Variants in ST13 observed in about 807,000 individuals in gnomAD.
ST13 encodes the protein ST13 Hsp70 interacting protein, also known as hsc70-interacting protein.
ST13 carries 23 observed loss-of-function variants against 56.7 expected under a neutral mutation model. The observed-to-expected ratio is 0.41, with a 90% CI of 0.29 to 0.57. ST13 has a LOEUF of 0.57. ST13 is among the 20% of genes least tolerant of loss of function. ST13 has a pLI of 0.36. For synonymous variants in ST13, 132 were observed against 142.4 expected (o/e 0.93, Z 0.52); for missense variants, 369 against 459.9 (o/e 0.80, Z 1.81).
chr22:40,826,708 T>C (rs2057730238), intron 11 of ST13, 42 bp from the exon 12 acceptor site: 1 of 1,601,320 alleles, frequency 6.2e-7, no homozygotes. Flanking sequence ...AGTGTCCTAC[T>C]GGGTCAGTAA....
At chr22:40,850,779 TATA>T (rs1241940112) in intron 2 of ST13, 41 bp downstream of exon 2, 1 of 1,451,170 alleles carries the variant, frequency 6.9e-7, no homozygotes, top group Non-Finnish European at 9.5e-7. Context: ...TAAGAAATCT[TATA>T]GTACTTTATC....
chr22:40,849,834 T>C (rs568279475), intron 2 of ST13, among the ~76,000 whole-genome samples: 2 of 149,490 alleles, frequency 1.3e-5, no homozygotes, highest in South Asian at 2.1e-4. Context: ...AAGATCCAAA[T>C]AGATAACAAT....
chr22:40,828,312 T>C (rs2057737951), intron 10 of ST13, among the ~76,000 whole-genome samples: 1 of 152,084 alleles, frequency 6.6e-6, no homozygotes, highest in African/African-American at 2.4e-5. Flanking sequence ...ATTAATAATA[T>C]AGAGAAAGAT....
intron 2 of ST13, 71 bp from the exon 3 acceptor site, chr22:40,848,440 A>G: frequency 2.8e-6 from 3 of 1,086,020 alleles, no homozygotes; most frequent in Non-Finnish European, 1.4e-6. Context: ...AATTTCTACA[A>G]ATCTATGTAT....
chr22:40,828,348 T>C (rs1470660906), intron 10 of ST13, among the ~76,000 whole-genome samples: 1 of 151,940 alleles, frequency 6.6e-6, no homozygotes, highest in African/African-American at 2.4e-5. Flanking sequence ...CTCAAGCCTA[T>C]AATCCCAGCA....
chr22:40,826,555 A>C lies in ST13; in HGVS notation c.1093T>G (p.Phe365Val), dbSNP rs1372855806. ...GAAGGACATTACGCTTGACCTCCAAATTTGGCTGACAATTTACTGATGAGA... is the reference window on the plus strand; with the variant it reads ...GAAGGACATTACGCTTGACCTCCAACTTTGGCTGACAATTTACTGATGAGA... Reference protein sequence around the residue: ...MNLISKLSAKFGGQA With the variant: ...MNLISKLSAKVGGQA Residue 365 changes from phenylalanine (F) to valine (V), a missense_variant, in exon 12 of 12, where the codon TTT (phenylalanine) becomes GTT (valine). Phe to Val is a conservative substitution (Grantham distance 50, BLOSUM62 -1). Transcript: ENST00000216218. 2 of 1,598,548 alleles carry C rather than the reference A, an allele frequency of 1.3e-6. No individual in the cohort carries two copies. Among genetic ancestry groups the C allele is most frequent in the Non-Finnish European group, 1.7e-6 (2 of 1,179,720 alleles).
intron 1 of ST13, 29 bp from the exon 2 acceptor site, chr22:40,850,909 G>A (rs771522362): frequency 6.4e-7 from 1 of 1,553,580 alleles, no homozygotes; most frequent in South Asian, 1.2e-5. Flanking sequence ...AAAGATATTT[G>A]TTTAGAAAAT....
chr22:40,835,108 G>C (rs960103763), intron 7 of ST13, among the ~76,000 whole-genome samples: 1 of 152,202 alleles, frequency 6.6e-6, no homozygotes, highest in African/African-American at 2.4e-5. Flanking sequence ...AGCAGTGACT[G>C]AAGTAGTTTC....
In ST13 at chr22:40,825,831, T is replaced by C. The variant is rs1240486491; in HGVS notation, c.*707A>G. 6.6e-6 allele frequency: 1 copy of C among 152,514 alleles called. No homozygotes were observed. The highest frequency in any genetic ancestry group is 2.4e-5 in the African/African-American group (1 of 41,434). 9.4% of individuals were successfully genotyped at this position (152,514 alleles called of 1,614,324 possible). A position where few individuals can be genotyped will look rare whatever the true frequency, so the allele number is the denominator to read the frequency against. On this transcript the variant is annotated 3_prime_UTR_variant, in exon 12 of 12. Coordinates refer to ENST00000216218, the MANE Select transcript of ST13 (RefSeq NM_003932.5). ...TATGAAAAACACTTATTAGATATAC[T>C]GGACAACAAGAGAACTAAGTACTCC... is the stretch of plus-strand genomic sequence containing the variant.
At chr22:40,846,667 G>C (rs1476018043) in intron 3 of ST13, among the ~76,000 whole-genome samples, 1 of 152,174 alleles carries the variant, frequency 6.6e-6, no homozygotes, top group Non-Finnish European at 1.5e-5. Context: ...ACAACTGCCA[G>C]TAGAATGTAA....
chr22:40,840,636 G>A lies in ST13; in HGVS notation c.372C>T (p.Ala124=). The A allele has an allele frequency of 1.2e-6, 2 of 1,609,014 alleles. No individual in the cohort carries two copies. Residue 124 remains alanine (A), a synonymous_variant, in exon 5 of 12, where the codon GCC becomes GCT. Coordinates refer to ENST00000216218, the MANE Select transcript of ST13 (RefSeq NM_003932.5). ...ANDKKVAAIE[A]LNDGELQKAI... Reference sequence around the variant, plus strand: ...AAAAAGATTACTCACCATCATTTAGGGCTTCAATAGCAGCCACTTTTTTAT... The same window carrying A: ...AAAAAGATTACTCACCATCATTTAGAGCTTCAATAGCAGCCACTTTTTTAT...
In ST13 at chr22:40,840,797, C is replaced by G. The variant is rs1189982728; in HGVS notation, c.316-105G>C. On this transcript the variant is annotated intron_variant, in intron 4 of 11. Transcript: ENST00000216218. ...CGCAGTCACAATACCCATTTTCATT[C>G]ATTCTTCTGTAGTCTCCAGAGAACA... 5 of 838,772 alleles carry G rather than the reference C, an allele frequency of 6.0e-6. No homozygotes were observed. In the Admixed American group the frequency reaches 1.3e-4, roughly 22 times the overall value. 52.0% of individuals were successfully genotyped at this position (838,772 alleles called of 1,614,324 possible). A position where few individuals can be genotyped will look rare whatever the true frequency, so the allele number is the denominator to read the frequency against.
Position 40,856,455 on chromosome 22 carries a change from C to A in ST13, c.86G>T (p.Arg29Leu). The A allele has an allele frequency of 6.2e-7, 1 of 1,613,590 alleles. No homozygotes were observed. The highest frequency in any genetic ancestry group is 8.5e-7 in the Non-Finnish European group (1 of 1,179,660). Residue 29 changes from arginine to leucine, a missense_variant, in exon 1 of 12, where the codon CGC becomes CTC. Around this residue, in one of 3 missense-constraint regions of ST13, gnomAD observed 169 missense variants for 175.6 expected, o/e 0.96. Transcript: ENST00000216218. ...DPSVLHTEEM[R>L]FLREWVESMG... ...CCTCTCCACCCACTCCCTCAGGAAG[C>A]GCATTTCCTCGGTGTGCAGAACGCT...
chr22:40,856,381 C>A (rs758365100), intron 1 of ST13, 50 bp downstream of exon 1: 1 of 1,527,504 alleles, frequency 6.5e-7, no homozygotes, highest in Non-Finnish European at 9.1e-7. Flanking sequence ...TGGCTCCCCC[C>A]TGGGGCCGTG....
chr22:40,855,006 GACA>G (rs1190394541), intron 1 of ST13, among the ~76,000 whole-genome samples: 1 of 152,092 alleles, frequency 6.6e-6, no homozygotes, highest in African/African-American at 2.4e-5. Context: ...CCAGTAGTTA[GACA>G]ATTGGTGGGG....
chr22:40,839,721 C>T (rs1255106327), intron 5 of ST13, among the ~76,000 whole-genome samples: 3 of 151,386 alleles, frequency 2.0e-5, no homozygotes, highest in African/African-American at 7.3e-5. Context: ...GAGATCACGC[C>T]ACTGCATTCC....
chr22:40,835,657 A>G lies in ST13; in HGVS notation c.481T>C (p.Leu161=), dbSNP rs772410012. Residue 161 remains leucine, a synonymous_variant, in exon 7 of 12, where the codon TTA becomes CTA. Coordinates refer to ENST00000216218, the MANE Select transcript of ST13 (RefSeq NM_003932.5). ...CGGATGGCAGCATTTGGCTTCTGTAATTTGACGAAGACACTGAAAAATAAG... is the reference window on the plus strand; with the variant it reads ...CGGATGGCAGCATTTGGCTTCTGTAGTTTGACGAAGACACTGAAAAATAAG... ...YAKRASVFVK[L]QKPNAAIRDC... is the part of the protein sequence containing the mutation. 4.3e-6 allele frequency: 7 copies of G among 1,613,978 alleles called. No homozygotes were observed. Among genetic ancestry groups the G allele is most frequent in the Non-Finnish European group, 5.9e-6 (7 of 1,179,862 alleles).
chr22:40,846,366 T>C (rs977325121), intron 3 of ST13, among the ~76,000 whole-genome samples: 2 of 152,204 alleles, frequency 1.3e-5, no homozygotes, highest in Admixed American at 6.5e-5. Context: ...GAAGATCCAG[T>C]CTCTTAACAA....
chr22:40,826,648 C>T lies in ST13; in HGVS notation c.1000G>A (p.Ala334Thr). Residue 334 changes from alanine to threonine, a missense_variant, in exon 12 of 12, where the codon GCT (alanine) becomes ACT (threonine). Physicochemically the swap from Ala to Thr is moderately conservative, Grantham distance 58. This residue lies in a region of ST13 where 136 missense variants were observed against 159.2 expected (regional missense o/e 0.85). Coordinates refer to ENST00000216218, the MANE Select transcript of ST13 (RefSeq NM_003932.5). ...AAMQDPEVMVAFQDVAQNPAN... is the reference protein window; with the variant it reads ...AAMQDPEVMVTFQDVAQNPAN... Reference sequence around the variant, plus strand: ...GGGTTCTGAGCCACATCCTGGAAAGCCACCATAACTTCTGGATCCTGAAAA... The same window carrying T: ...GGGTTCTGAGCCACATCCTGGAAAGTCACCATAACTTCTGGATCCTGAAAA... The T allele has an allele frequency of 6.2e-7, 1 of 1,609,532 alleles. No homozygotes were observed. Among genetic ancestry groups the T allele is most frequent in the South Asian group, 1.1e-5 (1 of 91,050 alleles).
Sources: allele counts gnomAD v4.1 joint callset (sites outside exome capture counted in the v4.1 genomes callset), GRCh38; gene constraint gnomAD v4.1.1; regional missense constraint gnomAD v4.1.1; transcripts MANE v1.5; gene names NCBI Gene and HGNC (gene_info 2026-07-23, HGNC 2026-07-21).